Variants in RBMS3 observed in about 807,000 individuals in gnomAD.
The protein encoded by RBMS3 is RNA-binding motif, single-stranded-interacting protein 3.
In RBMS3, 27 loss-of-function variants were observed where a neutral mutation model predicts 66.8. The observed-to-expected ratio is 0.40, with a 90% CI of 0.30 to 0.56. The LOEUF (loss-of-function observed/expected upper bound fraction) is 0.56. RBMS3 is among the 20% of genes least tolerant of loss of function. The pLI, the probability that RBMS3 is intolerant of heterozygous loss-of-function variation, is 0.40. For synonymous variants in RBMS3, 188 were observed against 183.0 expected, an observed-to-expected ratio of 1.03 and a Z score of -0.22; for missense variants, 513 against 549.5, an observed-to-expected ratio of 0.93 and a Z score of 0.66.
intron 12 of RBMS3, among the ~76,000 whole-genome samples, chr3:29,960,247 A>G (rs148567490): frequency 8.5e-5 from 13 of 152,312 alleles, no homozygotes; most frequent in African/African-American, 2.9e-4. Context: ...TGAAAGTTCA[A>G]AATCCAGTGG....
In RBMS3 at chr3:29,593,730, C is replaced by T. The variant is rs1457654; in HGVS notation, c.399+6525C>T. Among the ~76,000 whole-genome samples, 1,040 of 152,310 alleles carry T rather than the reference C, an allele frequency of 6.8e-3. 29 individuals are homozygous for T. The highest frequency in any genetic ancestry group is 0.055 in the Admixed American group (836 of 15,292). Reference sequence around the variant, plus strand: ...ACTGAAGCAGGAATCTCTCATTCTCCTACTTTCGCAACACATTTATGTTGA... The same window carrying T: ...ACTGAAGCAGGAATCTCTCATTCTCTTACTTTCGCAACACATTTATGTTGA... On this transcript the variant is annotated intron_variant, in intron 4 of 14. Transcript: ENST00000383767.
intron 4 of RBMS3, among the ~76,000 whole-genome samples, chr3:29,692,088 TCTC>T (rs994780231): frequency 4.6e-5 from 7 of 151,494 alleles, no homozygotes; most frequent in African/African-American, 1.7e-4. Flanking sequence ...TTCAAGCAAT[TCTC>T]CTGCCTCAGC....
intron 12 of RBMS3, among the ~76,000 whole-genome samples, chr3:29,958,357 A>C (rs1696184729): frequency 1.3e-5 from 2 of 152,042 alleles, no homozygotes; most frequent in African/African-American, 4.8e-5. Context: ...TGAATTCCTT[A>C]CTCTCAAAGA....
intron 3 of RBMS3, among the ~76,000 whole-genome samples, chr3:29,513,276 C>T (rs548050862): frequency 2.0e-5 from 3 of 152,140 alleles, no homozygotes; most frequent in South Asian, 4.2e-4. Flanking sequence ...ATTGGAAAAC[C>T]TTTCAGGGAA....
intron 14 of RBMS3, among the ~76,000 whole-genome samples, chr3:30,002,912 A>C (rs1208243930): frequency 6.6e-6 from 1 of 152,028 alleles, no homozygotes; most frequent in Non-Finnish European, 1.5e-5. Flanking sequence ...CCACTCCCTC[A>C]ATCATACATC....
intron 1 of RBMS3, among the ~76,000 whole-genome samples, chr3:29,390,653 A>G (rs1452268378): frequency 2.0e-5 from 3 of 152,212 alleles, no homozygotes; most frequent in Non-Finnish European, 2.9e-5. Context: ...TTAGGTTCTG[A>G]GAAACACTGC....
chr3:29,926,635 A>G (rs1256816402), intron 10 of RBMS3, among the ~76,000 whole-genome samples: 1 of 152,172 alleles, frequency 6.6e-6, no homozygotes, highest in Admixed American at 6.5e-5. Context: ...GTTTTTAATG[A>G]GAAGTTTTAT....
chr3:29,303,719 A>G (rs1356597113), intron 1 of RBMS3, among the ~76,000 whole-genome samples: 3 of 152,044 alleles, frequency 2.0e-5, no homozygotes, highest in East Asian at 3.9e-4. Flanking sequence ...ATGCTTTCAA[A>G]TATTCATTAA....
chr3:29,586,611 C>A (rs904864701), intron 3 of RBMS3, among the ~76,000 whole-genome samples: 4 of 152,122 alleles, frequency 2.6e-5, no homozygotes, highest in East Asian at 3.9e-4. Flanking sequence ...ACAATATTTA[C>A]TTATTCATGA....
At chr3:29,583,838 T>C (rs545220325) in intron 3 of RBMS3, among the ~76,000 whole-genome samples, 4 of 152,228 alleles carry the variant, frequency 2.6e-5, no homozygotes, top group Admixed American at 1.3e-4. Context: ...TGTTGAATAA[T>C]TTACATGAAT....
intron 4 of RBMS3, among the ~76,000 whole-genome samples, chr3:29,697,583 A>G (rs73831644): frequency 0.08 from 12,207 of 152,256 alleles, 1,655 homozygotes; most frequent in African/African-American, 0.28. Context: ...AATGCCTGGG[A>G]CCAGAAGTGT....
At chr3:29,872,500 C>T (rs1001058911) in intron 7 of RBMS3, among the ~76,000 whole-genome samples, 1 of 152,064 alleles carries the variant, frequency 6.6e-6, no homozygotes, top group African/African-American at 2.4e-5. Flanking sequence ...TCTTCTAATA[C>T]GATCTTAGGA....
At chr3:29,359,956 G>T (rs1205967580) in intron 1 of RBMS3, among the ~76,000 whole-genome samples, 1 of 151,736 alleles carries the variant, frequency 6.6e-6, no homozygotes, top group Non-Finnish European at 1.5e-5. Flanking sequence ...TATTAGTCTT[G>T]CTAGCAGTCT....
chr3:29,784,225 C>G (rs113668724), intron 6 of RBMS3, among the ~76,000 whole-genome samples: 4 of 151,908 alleles, frequency 2.6e-5, no homozygotes, highest in African/African-American at 4.8e-5. Flanking sequence ...AACATTCTAC[C>G]GAACAACTGC....
chr3:29,412,594 A>G (rs760546783), intron 1 of RBMS3, among the ~76,000 whole-genome samples: 9 of 152,150 alleles, frequency 5.9e-5, no homozygotes, highest in Non-Finnish European at 8.8e-5. Context: ...TTTATGGTAA[A>G]ATTCACCTTC....
At chr3:29,985,303 T>C (rs1698300282) in intron 12 of RBMS3, among the ~76,000 whole-genome samples, 2 of 152,156 alleles carry the variant, frequency 1.3e-5, no homozygotes. Flanking sequence ...CCAGTGGATC[T>C]TAGCTTGCTG....
chr3:29,591,308 A>G (rs1486269684), intron 4 of RBMS3, among the ~76,000 whole-genome samples: 3 of 152,164 alleles, frequency 2.0e-5, no homozygotes, highest in Non-Finnish European at 2.9e-5. Flanking sequence ...GCTCCTCCTC[A>G]TAGCTCAGCA....
intron 4 of RBMS3, among the ~76,000 whole-genome samples, chr3:29,734,507 C>T (rs1412451946): frequency 6.6e-6 from 1 of 152,034 alleles, no homozygotes; most frequent in Non-Finnish European, 1.5e-5. Context: ...TATCACTTTG[C>T]ACCACATACA....
intron 1 of RBMS3, among the ~76,000 whole-genome samples, chr3:29,308,519 G>A (rs149129835): frequency 2.0e-5 from 3 of 151,706 alleles, no homozygotes; most frequent in Non-Finnish European, 4.4e-5. Context: ...TGCAGAATAT[G>A]GTTAGTGTTA....
Sources: allele counts gnomAD v4.1 joint callset (sites outside exome capture counted in the v4.1 genomes callset), GRCh38; gene constraint gnomAD v4.1.1; transcripts MANE v1.5; gene names NCBI Gene and HGNC (gene_info 2026-07-23, HGNC 2026-07-21).